Variants in CNTN3 observed in about 807,000 individuals in gnomAD.
CNTN3 encodes the protein contactin 3.
Under a neutral mutation model 119.1 loss-of-function variants are expected in CNTN3, and 60 were observed. That is an observed-to-expected ratio of 0.50 (90% CI 0.41 to 0.62). The LOEUF is 0.62. CNTN3 is among the 20% of genes least tolerant of loss of function. The pLI, the probability that CNTN3 is intolerant of heterozygous loss-of-function variation, is 0.00. For synonymous variants in CNTN3, 450 were observed against 438.7 expected (o/e 1.03, Z -0.32); for missense variants, 1,101 against 1,242.4 (o/e 0.89, Z 1.71).
intron 1 of CNTN3, among the ~76,000 whole-genome samples, chr3:74,560,614 G>A (rs1449335407): frequency 1.3e-5 from 2 of 152,050 alleles, no homozygotes; most frequent in Non-Finnish European, 2.9e-5. Context: ...AAGACAGTGT[G>A]GTGATTCCTC....
chr3:74,542,802 C>A (rs552565677), intron 1 of CNTN3, among the ~76,000 whole-genome samples: 9 of 114,768 alleles, frequency 7.8e-5, no homozygotes, highest in Admixed American at 6.3e-4. Context: ...TCTCTCATGG[C>A]TTTATATTTT....
At chr3:74,600,220 G>A (rs1199243736) in intron 1 of CNTN3, among the ~76,000 whole-genome samples, 3 of 151,926 alleles carry the variant, frequency 2.0e-5, no homozygotes, top group Non-Finnish European at 4.4e-5. Flanking sequence ...GGTGAATAGG[G>A]GAGTTGAAAG....
chr3:74,292,758 T>C (rs1361573672), intron 19 of CNTN3, among the ~76,000 whole-genome samples: 3 of 152,162 alleles, frequency 2.0e-5, no homozygotes, highest in Admixed American at 1.3e-4. Flanking sequence ...GTGGTAGAAT[T>C]GGGATTTGCT....
chr3:74,454,536 G>C (rs1449329366), intron 4 of CNTN3, among the ~76,000 whole-genome samples: 2 of 151,814 alleles, frequency 1.3e-5, no homozygotes, highest in Non-Finnish European at 2.9e-5. Context: ...TGTTATGTGT[G>C]AATTTGATCC....
At chr3:74,346,037 A>G (rs1397637061) in intron 11 of CNTN3, among the ~76,000 whole-genome samples, 1 of 152,200 alleles carries the variant, frequency 6.6e-6, no homozygotes, top group African/African-American at 2.4e-5. Flanking sequence ...CACTTTGTGT[A>G]TTATTTGATA....
At chr3:74,565,374 A>C (rs1704211274) in intron 1 of CNTN3, among the ~76,000 whole-genome samples, 1 of 152,234 alleles carries the variant, frequency 6.6e-6, no homozygotes, top group East Asian at 1.9e-4. Context: ...GCTCTGCTTC[A>C]ATCGTCACAT....
At chr3:74,463,755 C>T (rs1164483532) in intron 4 of CNTN3, among the ~76,000 whole-genome samples, 1 of 152,088 alleles carries the variant, frequency 6.6e-6, no homozygotes, top group African/African-American at 2.4e-5. Context: ...GTCGGCATGT[C>T]TTATTCAAAC....
chr3:74,360,538 T>A (rs1276214639), intron 11 of CNTN3, among the ~76,000 whole-genome samples: 1 of 152,212 alleles, frequency 6.6e-6, no homozygotes, highest in Non-Finnish European at 1.5e-5. Flanking sequence ...CTGTTATAAA[T>A]GACCACAAAC....
At chr3:74,504,416 T>C (rs1421162585) in intron 2 of CNTN3, among the ~76,000 whole-genome samples, 1 of 152,154 alleles carries the variant, frequency 6.6e-6, no homozygotes, top group East Asian at 1.9e-4. Context: ...ATAAGATCTA[T>C]ATTCTAGGTC....
chr3:74,373,648 A>G (rs1353018188), intron 5 of CNTN3, among the ~76,000 whole-genome samples: 2 of 152,236 alleles, frequency 1.3e-5, no homozygotes, highest in East Asian at 3.9e-4. Flanking sequence ...CACTTGGAAT[A>G]AATATCACAA....
intron 13 of CNTN3, among the ~76,000 whole-genome samples, chr3:74,327,146 T>C (rs982760764): frequency 1.4e-5 from 2 of 145,996 alleles, no homozygotes; most frequent in African/African-American, 5.0e-5. Flanking sequence ...GTTTGTTTGT[T>C]TGAGACAGAA....
At chr3:74,362,603 A>C (rs13324932) in intron 10 of CNTN3, among the ~76,000 whole-genome samples, 4,782 of 152,304 alleles carry the variant, frequency 0.031, 245 homozygotes, top group African/African-American at 0.11. Flanking sequence ...AAGTATAATA[A>C]TGTGTAGAAA....
intron 1 of CNTN3, among the ~76,000 whole-genome samples, chr3:74,554,114 C>T (rs1415871529): frequency 6.6e-6 from 1 of 152,074 alleles, no homozygotes; most frequent in Non-Finnish European, 1.5e-5. Flanking sequence ...AGGAAGGGGT[C>T]CCTTTTCAGT....
intron 4 of CNTN3, among the ~76,000 whole-genome samples, chr3:74,430,263 C>T (rs2106908190): frequency 6.6e-6 from 1 of 152,274 alleles, no homozygotes; most frequent in Admixed American, 6.5e-5. Context: ...GTGTGAATGG[C>T]TAAATGCACA....
chr3:74,507,694 C>A (rs1023510119), intron 2 of CNTN3, among the ~76,000 whole-genome samples: 1 of 142,016 alleles, frequency 7.0e-6, no homozygotes, highest in Non-Finnish European at 1.5e-5. Flanking sequence ...TGCAGTGGCC[C>A]AATCTTGACT....
At chr3:74,320,569 A>T (rs1050235017) in intron 13 of CNTN3, among the ~76,000 whole-genome samples, 3 of 152,202 alleles carry the variant, frequency 2.0e-5, no homozygotes, top group African/African-American at 7.2e-5. Context: ...CCTAAGGCTA[A>T]ATGACGAGTT....
At chr3:74,383,648 C>T (rs908635374) in intron 5 of CNTN3, among the ~76,000 whole-genome samples, 1 of 152,010 alleles carries the variant, frequency 6.6e-6, no homozygotes, top group African/African-American at 2.4e-5. Flanking sequence ...TGACGCCTGG[C>T]TAATTTTCTA....
intron 19 of CNTN3, among the ~76,000 whole-genome samples, chr3:74,287,478 T>C (rs1047237076): frequency 6.6e-6 from 1 of 152,234 alleles, no homozygotes; most frequent in African/African-American, 2.4e-5. Flanking sequence ...AATACTCTTT[T>C]AATAGACAAA....
chr3:74,339,872 A>T (rs1703488828), intron 11 of CNTN3, among the ~76,000 whole-genome samples: 1 of 150,704 alleles, frequency 6.6e-6, no homozygotes. Flanking sequence ...ACACACATAT[A>T]TGTGTGAACT....
Sources: gnomAD v4.1 joint callset for allele counts (sites outside exome capture counted in the v4.1 genomes callset) on GRCh38, gnomAD v4.1.1 for gene constraint, MANE v1.5 for transcripts, NCBI Gene and HGNC (gene_info 2026-07-23, HGNC 2026-07-21) for gene names.